Variants in AUTS2 observed in about 807,000 individuals in gnomAD.
The protein encoded by AUTS2 is autism susceptibility gene 2 protein.
A neutral mutation model predicts 112.4 loss-of-function variants in AUTS2; 17 were observed. The ratio of observed to expected loss-of-function variants is 0.15; its 90% CI spans 0.10 to 0.23. The LOEUF (loss-of-function observed/expected upper bound fraction) is 0.23. Ranked by LOEUF, AUTS2 falls within the 10% of genes least tolerant of loss-of-function variation. The probability of loss-of-function intolerance (pLI) is 1.00; values close to 1 mark genes in which losing one functional copy is unlikely to be tolerated. For missense variants in AUTS2, 1,510 were observed against 1,701.6 expected, an observed-to-expected ratio of 0.89 and a Z score of 1.98; for synonymous variants, 751 against 702.7, an observed-to-expected ratio of 1.07 and a Z score of -1.09.
intron 5 of AUTS2, among the ~76,000 whole-genome samples, chr7:70,560,020 A>C (rs1225763318): frequency 2.0e-5 from 3 of 151,900 alleles, no homozygotes; most frequent in Middle Eastern, 6.8e-3. Flanking sequence ...GTCTCCCACT[A>C]CTCTGCTCCA....
In AUTS2 at chr7:70,376,031, A is replaced by G. The variant is rs938197092; in HGVS notation, c.661-59721A>G. Among the ~76,000 whole-genome samples the G allele has an allele frequency of 7.9e-5, 12 of 152,064 alleles. 1 individual carries two copies. Among genetic ancestry groups the G allele is most frequent in the South Asian group, 6.2e-4 (3 of 4,820 alleles). On this transcript the variant is annotated intron_variant, in intron 4 of 18. Transcript: ENST00000342771. ...TGTTTTTTGTCGTTAAAAAAAAAAA[A>G]AAGAAGAAGAAGTGCTTGAATGAGC...
chr7:70,729,148 T>G, intron 6 of AUTS2: 1 of 456,612 alleles, frequency 2.2e-6, no homozygotes, highest in Non-Finnish European at 4.4e-6. Context: ...ACTCTTTTTC[T>G]CCTGGTGCTT....
chr7:70,487,897 C>A (rs1341183627), intron 5 of AUTS2, among the ~76,000 whole-genome samples: 1 of 152,148 alleles, frequency 6.6e-6, no homozygotes, highest in Non-Finnish European at 1.5e-5. Flanking sequence ...ATGTCTTTAA[C>A]CGTTAAAATA....
At chr7:70,664,790 G>A (rs1191827446) in intron 5 of AUTS2, among the ~76,000 whole-genome samples, 1 of 152,128 alleles carries the variant, frequency 6.6e-6, no homozygotes, top group Non-Finnish European at 1.5e-5. Context: ...CTGATATTTG[G>A]TCAGGCACGG....
chr7:70,781,600 C>G lies in AUTS2; in HGVS notation c.2005-15C>G, dbSNP rs1250866607. The G allele has an allele frequency of 6.2e-7, 1 of 1,613,622 alleles. No individual in the cohort carries two copies. The highest frequency in any genetic ancestry group is 8.5e-7 in the Non-Finnish European group (1 of 1,179,770). ...TGTTGGCCTTGGGACCCTTACTGTT[C>G]CCCTTGCTGTGTAGAAACAGATGCA... On this transcript the variant is annotated splice_polypyrimidine_tract_variant and intron_variant, in intron 14 of 18. Coordinates refer to ENST00000342771, the MANE Select transcript of AUTS2 (RefSeq NM_015570.4).
chr7:69,793,828 TGA>T (rs1789725471), intron 1 of AUTS2, among the ~76,000 whole-genome samples: 1 of 152,170 alleles, frequency 6.6e-6, no homozygotes, highest in Non-Finnish European at 1.5e-5. Flanking sequence ...CAGCCAAGAC[TGA>T]GAGCCACTGA....
At chr7:69,710,406 G>A (rs1798262545) in intron 1 of AUTS2, among the ~76,000 whole-genome samples, 1 of 152,220 alleles carries the variant, frequency 6.6e-6, no homozygotes, top group Non-Finnish European at 1.5e-5. Context: ...AACTGAGATT[G>A]AGGCTTTTGG....
intron 4 of AUTS2, among the ~76,000 whole-genome samples, chr7:70,304,488 C>T (rs1473562111): frequency 6.6e-6 from 1 of 152,120 alleles, no homozygotes; most frequent in Non-Finnish European, 1.5e-5. Context: ...AGGGATCACC[C>T]ATGACCTTTT....
chr7:70,123,530 C>T (rs1805800111), intron 3 of AUTS2, among the ~76,000 whole-genome samples: 1 of 152,140 alleles, frequency 6.6e-6, no homozygotes, highest in African/African-American at 2.4e-5. Context: ...ACCCTAGTGT[C>T]TGTTGTTTCC....
chr7:70,253,713 C>T (rs1459476092), intron 4 of AUTS2, among the ~76,000 whole-genome samples: 4 of 151,916 alleles, frequency 2.6e-5, no homozygotes, highest in Non-Finnish European at 2.9e-5. Flanking sequence ...CTTTAAAACT[C>T]TATGAGAGTC....
At chr7:69,746,625 C>T (rs767795685) in intron 1 of AUTS2, among the ~76,000 whole-genome samples, 2 of 151,856 alleles carry the variant, frequency 1.3e-5, no homozygotes, top group Non-Finnish European at 2.9e-5. Context: ...GTGCTCTTGC[C>T]GTGTTTGAGG....
chr7:69,769,573 CAGATTATG>C (rs1252848492), intron 1 of AUTS2, among the ~76,000 whole-genome samples: 1 of 152,188 alleles, frequency 6.6e-6, no homozygotes, highest in Non-Finnish European at 1.5e-5. Flanking sequence ...AATTGTTCCT[CAGATTATG>C]ATATGTTTGC....
Position 70,149,518 on chromosome 7 carries a change from A to G in AUTS2, c.660+14947A>G, listed in dbSNP as rs574726172. Among the ~76,000 whole-genome samples the G allele has an allele frequency of 1.2e-4, 19 of 152,202 alleles. No homozygotes were observed. The South Asian group carries it at 3.9e-3, about 32-fold the overall frequency. On this transcript the variant is annotated intron_variant, in intron 4 of 18. Coordinates refer to ENST00000342771, the MANE Select transcript of AUTS2 (RefSeq NM_015570.4). ...GATAGTTACGATCTTCCTTTTCCAT[A>G]TCAGCATTTTAGAGGAGATCATGAA...
At chr7:70,015,667 A>C (rs1416797205) in intron 2 of AUTS2, among the ~76,000 whole-genome samples, 1 of 152,238 alleles carries the variant, frequency 6.6e-6, no homozygotes, top group Non-Finnish European at 1.5e-5. Context: ...ATAATACACA[A>C]ACGAAATGAA....
chr7:69,882,086 G>T (rs115869309), intron 1 of AUTS2, among the ~76,000 whole-genome samples: 3,032 of 142,660 alleles, frequency 0.021, 103 homozygotes, highest in African/African-American at 0.071. Flanking sequence ...GGAGACGGAA[G>T]TTGTAGTGAG....
intron 10 of AUTS2, among the ~76,000 whole-genome samples, chr7:70,768,808 A>G (rs1665291752): frequency 6.7e-6 from 1 of 149,458 alleles, no homozygotes; most frequent in Non-Finnish European, 1.5e-5. Context: ...TTTCCATGAT[A>G]TTTTGATGAT....
At chr7:70,146,586 C>T (rs1428635034) in intron 4 of AUTS2, among the ~76,000 whole-genome samples, 1 of 152,040 alleles carries the variant, frequency 6.6e-6, no homozygotes, top group South Asian at 2.1e-4. Context: ...GTTTTCCAAC[C>T]TCTACCTCCA....
In AUTS2 at chr7:70,055,294, C is replaced by T. The variant is rs868241731; in HGVS notation, c.523-62838C>T. Among the ~76,000 whole-genome samples the T allele has an allele frequency of 4.6e-5, 7 of 152,220 alleles. No homozygotes were observed. In the South Asian group the frequency reaches 8.3e-4, roughly 18 times the overall value. ...TACTAAAAATACAAAATTAGCTGGA[C>T]GTGGTGGCACATGCCTGTAATCCCA... On this transcript the variant is annotated intron_variant, in intron 2 of 18. Transcript: ENST00000342771.
rs1018857621 is a variant in AUTS2 at position 69,637,420 on chromosome 7, C to A, written c.309+37458C>A. Among the ~76,000 whole-genome samples the A allele has an allele frequency of 2.0e-5, 3 of 152,190 alleles. No homozygotes were observed. The East Asian group carries it at 5.8e-4, about 29-fold the overall frequency. ...ACTCAGAAGTGGATTAAATCCTGAT[C>A]AGTGATTTTGCTATTGCCCCTGAAA... On this transcript the variant is annotated intron_variant, in intron 1 of 18. Coordinates refer to ENST00000342771, the MANE Select transcript of AUTS2 (RefSeq NM_015570.4).
Sources: gnomAD v4.1 joint callset for allele counts (sites outside exome capture counted in the v4.1 genomes callset) on GRCh38, gnomAD v4.1.1 for gene constraint, MANE v1.5 for transcripts, NCBI Gene and HGNC (gene_info 2026-07-23, HGNC 2026-07-21) for gene names.